Variants in HNRNPDL observed in about 807,000 individuals in gnomAD.
The protein encoded by HNRNPDL is heterogeneous nuclear ribonucleoprotein D like.
A neutral mutation model predicts 48.0 loss-of-function variants in HNRNPDL; 18 were observed. The ratio of observed to expected loss-of-function variants is 0.38; its 90% CI spans 0.26 to 0.56. The LOEUF (loss-of-function observed/expected upper bound fraction) is 0.56, where lower values mean the gene tolerates loss of function less well. Among genes scored for constraint, HNRNPDL ranks in the 20% least tolerant of loss-of-function variants. The pLI is 0.77. For missense variants in HNRNPDL, 553 were observed against 540.7 expected (o/e 1.02, Z -0.23); for synonymous variants, 306 against 207.3 (o/e 1.48, Z -4.09).
rs1271285051 is a variant in HNRNPDL at position 82,428,152 on chromosome 4, C to T, written c.640G>A (p.Asp214Asn). The T allele has an allele frequency of 6.2e-7, 1 of 1,614,156 alleles. No individual in the cohort carries two copies. Among genetic ancestry groups the T allele is most frequent in the Non-Finnish European group, 8.5e-7 (1 of 1,180,022 alleles). Reference sequence around the variant, plus strand: ...CTTTTGGGATCTATCAATTTGCCATCCAGTTTGTGTTCTTTCAGTTCCAAA... The same window carrying T: ...CTTTTGGGATCTATCAATTTGCCATTCAGTTTGTGTTCTTTCAGTTCCAAA... ...KVLELKEHKL[D>N]GKLIDPKRAK... Residue 214 changes from aspartate to asparagine, a missense_variant, in exon 3 of 8, where the codon GAT (aspartate) becomes AAT (asparagine). Asp to Asn is a conservative substitution (Grantham distance 23). This residue lies in a region of HNRNPDL where 43 missense variants were observed against 104.0 expected (regional missense o/e 0.41). Transcript: ENST00000295470.
In HNRNPDL at chr4:82,430,411, T is replaced by C; in HGVS notation, c.-721A>G. The C allele has an allele frequency of 5.4e-6, 1 of 186,258 alleles. No homozygotes were observed. The allele number at this position is 186,258 out of a possible 1,614,324, so 11.5% of individuals were successfully genotyped here. On this transcript the variant is annotated 5_prime_UTR_variant, in exon 1 of 8. Coordinates refer to ENST00000295470, the MANE Select transcript of HNRNPDL (RefSeq NM_031372.4). Reference sequence around the variant, plus strand: ...GGGCCTCTCCCGCTCGCTCAACCTGTCTGCGGAGGGCGCGCTCTCGCGCAC... The same window carrying C: ...GGGCCTCTCCCGCTCGCTCAACCTGCCTGCGGAGGGCGCGCTCTCGCGCAC...
chr4:82,424,398 C>T lies in HNRNPDL; in HGVS notation c.*508G>A, dbSNP rs1490409649. 1 of 152,612 alleles carries T rather than the reference C, an allele frequency of 6.6e-6. No homozygotes were observed. The highest frequency in any genetic ancestry group is 1.5e-5 in the Non-Finnish European group (1 of 68,028). 9.5% of individuals were successfully genotyped at this position (152,612 alleles called of 1,614,324 possible). On this transcript the variant is annotated 3_prime_UTR_variant, in exon 8 of 8. Transcript: ENST00000295470. ...CTTCAGATAACCAGAAGGGAAAGAACATTGTTCAAAGGTGTGGTAGAAATC... is the reference window on the plus strand; with the variant it reads ...CTTCAGATAACCAGAAGGGAAAGAATATTGTTCAAAGGTGTGGTAGAAATC...
In HNRNPDL at chr4:82,429,584, C is replaced by T. The variant is rs1289857424; in HGVS notation, c.107G>A (p.Arg36Gln). Residue 36 changes from arginine to glutamine, a missense_variant, in exon 1 of 8, where the codon CGG becomes CAG. Arg to Gln is a conservative substitution (Grantham distance 43). This residue lies in a region of HNRNPDL where 327 missense variants were observed against 203.2 expected (regional missense o/e 1.61). Coordinates refer to ENST00000295470, the MANE Select transcript of HNRNPDL (RefSeq NM_031372.4). ...SLSHWRPRPP[R>Q]QLAPLLPSLA... The stretch of plus-strand genomic sequence containing the variant: ...CGAAGGGAGGAGCGGGGCTAGCTGC[C>T]GCGGCGGCCGCGGCCGCCAATGGGA... The T allele has an allele frequency of 2.2e-6, 3 of 1,376,712 alleles. No individual in the cohort carries two copies. The highest frequency in any genetic ancestry group is 3.9e-5 in the Admixed American group (1 of 25,632). 85.3% of individuals were successfully genotyped at this position (1,376,712 alleles called of 1,614,324 possible).
At position 82,422,997 on chromosome 4, in the gene HNRNPDL, T is replaced by C. The variant is rs924374803; in HGVS notation, c.*1909A>G. On this transcript the variant is annotated 3_prime_UTR_variant, in exon 8 of 8. Transcript: ENST00000295470. ...ACCTAGGACACTTAGCCTTAGAGTATCTGTTCAAATTTGCATCAGTTGGTG... is the reference window on the plus strand; with the variant it reads ...ACCTAGGACACTTAGCCTTAGAGTACCTGTTCAAATTTGCATCAGTTGGTG... The C allele has an allele frequency of 2.6e-5, 4 of 151,984 alleles. No individual in the cohort carries two copies. The highest frequency in any genetic ancestry group is 4.8e-5 in the African/African-American group (2 of 41,352). 9.4% of individuals were successfully genotyped at this position (151,984 alleles called of 1,614,324 possible).
Position 82,429,474 on chromosome 4 carries a change from C to G in HNRNPDL, c.217G>C (p.Ala73Pro), listed in dbSNP as rs931884150. The change falls in exon 1 of 8, where the codon GCG becomes CCG. Residue 73 changes from alanine to proline, a missense_variant. Ala to Pro is a conservative substitution (Grantham distance 27). This residue lies in a region of HNRNPDL where 327 missense variants were observed against 203.2 expected (regional missense o/e 1.61). Transcript: ENST00000295470. ...CGCCTGCGCCCTCCCTTTATAGCCG[C>G]CCCGCCCGCCAATCGGGAGGGCTGC... ...AQQPSRLAGG[A>P]AIKGGRRRRP... 1 of 1,579,564 alleles carries G rather than the reference C, an allele frequency of 6.3e-7. No individual in the cohort carries two copies. The highest frequency in any genetic ancestry group is 1.1e-5 in the South Asian group (1 of 89,212).
chr4:82,427,104 G>A, intron 5 of HNRNPDL, 86 bp downstream of exon 5: 1 of 905,870 alleles, frequency 1.1e-6, no homozygotes. Context: ...TAAGTTTAAA[G>A]TTTTGCTTTG....
Position 82,429,841 on chromosome 4 carries a change from T to G in HNRNPDL, c.-151A>C, listed in dbSNP as rs1721641915. 4 of 489,660 alleles carry G rather than the reference T, an allele frequency of 8.2e-6. No individual in the cohort carries two copies. Among genetic ancestry groups the G allele is most frequent in the Non-Finnish European group, 1.3e-5 (4 of 303,736 alleles). 30.3% of individuals were successfully genotyped at this position (489,660 alleles called of 1,614,324 possible). A position where few individuals can be genotyped will look rare whatever the true frequency, so the allele number is the denominator to read the frequency against. On this transcript the variant is annotated 5_prime_UTR_variant, in exon 1 of 8. Coordinates refer to ENST00000295470, the MANE Select transcript of HNRNPDL (RefSeq NM_031372.4). Reference sequence around the variant, plus strand: ...CGCAGGGCCACAGTCCCTCTTGCCTTGGGAGCCTTTGTCTCTGGCGTCCGG... The same window carrying G: ...CGCAGGGCCACAGTCCCTCTTGCCTGGGGAGCCTTTGTCTCTGGCGTCCGG...
rs539919690 is a variant in HNRNPDL, at chr4:82,430,019, G to A, written c.-329C>T. 245 of 195,364 alleles carry A rather than the reference G, an allele frequency of 1.3e-3. 2 individuals are homozygous for A. The Middle Eastern group carries it at 0.016, about 13-fold the overall frequency. The allele number at this position is 195,364 out of a possible 1,614,324, so 12.1% of individuals were successfully genotyped here. A position where few individuals can be genotyped will look rare whatever the true frequency, so the allele number is the denominator to read the frequency against. ...GACTGCGCCCGGCGCTGGCGACTGAGGCGGCGAGCGCGCTCGCCCGCCGCG... is the reference window on the plus strand; with the variant it reads ...GACTGCGCCCGGCGCTGGCGACTGAAGCGGCGAGCGCGCTCGCCCGCCGCG... On this transcript the variant is annotated 5_prime_UTR_variant, in exon 1 of 8. Coordinates refer to ENST00000295470, the MANE Select transcript of HNRNPDL (RefSeq NM_031372.4).
At position 82,427,986 on chromosome 4, in the gene HNRNPDL, C is replaced by A. The variant is rs753619730; in HGVS notation, c.774+32G>T. 4 of 1,595,274 alleles carry A rather than the reference C, an allele frequency of 2.5e-6. No individual in the cohort carries two copies. In the African/African-American group the frequency reaches 4.0e-5, roughly 16 times the overall value. On this transcript the variant is annotated intron_variant, in intron 3 of 7. Transcript: ENST00000295470. ...AGGATTGAACATTTTATAAACACAT[C>A]AAGCTTAACATGTGTAAACATAATC...
chr4:82,427,007 T>G (rs1721439567), intron 5 of HNRNPDL, among the ~76,000 whole-genome samples, 183 bp downstream of exon 5: 1 of 152,106 alleles, frequency 6.6e-6, no homozygotes. Flanking sequence ...CTTTTAACAG[T>G]TTTTTGAAAC....
At chr4:82,425,410 T>C (rs1721375748) in intron 7 of HNRNPDL, 1 of 152,450 alleles carries the variant, frequency 6.6e-6, no homozygotes, top group African/African-American at 2.4e-5. Context: ...ATGATTAAGC[T>C]GTAAAAAGGC....
In HNRNPDL at chr4:82,423,717, G is replaced by A. The variant is rs1721289200; in HGVS notation, c.*1189C>T. Reference sequence around the variant, plus strand: ...AGCTTTTTATTATTCCAGGTCCTCTGAAACCTGGATATAAAACGGATTCTT... The same window carrying A: ...AGCTTTTTATTATTCCAGGTCCTCTAAAACCTGGATATAAAACGGATTCTT... On this transcript the variant is annotated 3_prime_UTR_variant, in exon 8 of 8. Transcript: ENST00000295470. The A allele has an allele frequency of 6.6e-6, 1 of 152,198 alleles. No homozygotes were observed. The highest frequency in any genetic ancestry group is 2.1e-4 in the South Asian group (1 of 4,834). 9.4% of individuals were successfully genotyped at this position (152,198 alleles called of 1,614,324 possible). A position where few individuals can be genotyped will look rare whatever the true frequency, so the allele number is the denominator to read the frequency against.
intron 7 of HNRNPDL, 143 bp downstream of exon 7, chr4:82,425,894 C>CA: frequency 3.3e-6 from 2 of 600,320 alleles, no homozygotes; most frequent in Non-Finnish European, 5.9e-6. Context: ...ACACTTTAGG[C>CA]AAAACAGGCT....
In HNRNPDL at chr4:82,423,410, T is replaced by A. The variant is rs950917327; in HGVS notation, c.*1496A>T. 1.3e-5 allele frequency: 2 copies of A among 152,144 alleles called. No individual in the cohort carries two copies. The highest frequency in any genetic ancestry group is 2.9e-5 in the Non-Finnish European group (2 of 68,030). 9.4% of individuals were successfully genotyped at this position (152,144 alleles called of 1,614,324 possible). ...ACAGAATCCCTTCTAACAGCCAACA[T>A]TGGTACTTGGCCTAAGTTTAAGAAT... On this transcript the variant is annotated 3_prime_UTR_variant, in exon 8 of 8. Transcript: ENST00000295470.
chr4:82,426,033 A>T lies in HNRNPDL; in HGVS notation c.*22+4T>A. ...CTACTGTTTTCCTGTACTCTTATAC[A>T]CACCTGTTTTCTCCAATGTTCTCCT... On this transcript the variant is annotated splice_donor_region_variant and intron_variant, in intron 7 of 7. Transcript: ENST00000295470. 1 of 1,555,334 alleles carries T rather than the reference A, an allele frequency of 6.4e-7. No homozygotes were observed. The highest frequency in any genetic ancestry group is 1.4e-5 in the African/African-American group (1 of 73,856).
chr4:82,429,916 C>G lies in HNRNPDL; in HGVS notation c.-226G>C. 2.7e-6 allele frequency: 1 copy of G among 369,398 alleles called. No homozygotes were observed. The highest frequency in any genetic ancestry group is 4.8e-6 in the Non-Finnish European group (1 of 208,056). 22.9% of individuals were successfully genotyped at this position (369,398 alleles called of 1,614,324 possible). ...CGTCAACCCCGCCTTTTTCTGCCCT[C>G]GGTTCGCCAGTGCGGAGCCGCTGCG... On this transcript the variant is annotated 5_prime_UTR_variant, in exon 1 of 8. Coordinates refer to ENST00000295470, the MANE Select transcript of HNRNPDL (RefSeq NM_031372.4).
intron 6 of HNRNPDL, among the ~76,000 whole-genome samples, 161 bp downstream of exon 6, chr4:82,426,302 A>C (rs1721403923): frequency 6.6e-6 from 1 of 152,218 alleles, no homozygotes; most frequent in South Asian, 2.1e-4. Context: ...TATAACCACC[A>C]GTCTATGTTA....
At chr4:82,426,358 G>A (rs547340881) in intron 6 of HNRNPDL, 105 bp downstream of exon 6, 26 of 1,072,186 alleles carry the variant, frequency 2.4e-5, no homozygotes, top group African/African-American at 7.9e-5. Context: ...ACTTAACTCC[G>A]AACACTTTAA....
rs955564604 is a variant in HNRNPDL at position 82,430,400 on chromosome 4, C to G, written c.-710G>C. ...GCACGTGCCCCGGGCCTCTCCCGCT[C>G]GCTCAACCTGTCTGCGGAGGGCGCG... On this transcript the variant is annotated 5_prime_UTR_variant, in exon 1 of 8. Coordinates refer to ENST00000295470, the MANE Select transcript of HNRNPDL (RefSeq NM_031372.4). 5.5e-6 allele frequency: 1 copy of G among 182,708 alleles called. No individual in the cohort carries two copies. Among genetic ancestry groups the G allele is most frequent in the African/African-American group, 2.4e-5 (1 of 41,874 alleles). The allele number at this position is 182,708 out of a possible 1,614,324, so 11.3% of individuals were successfully genotyped here.
Sources: gnomAD v4.1 joint callset for allele counts (sites outside exome capture counted in the v4.1 genomes callset) on GRCh38, gnomAD v4.1.1 for gene constraint, gnomAD v4.1.1 regional missense constraint, MANE v1.5 for transcripts, NCBI Gene and HGNC (gene_info 2026-07-23, HGNC 2026-07-21) for gene names.